Variants in TTC28 observed in about 807,000 individuals in gnomAD.
TTC28 encodes the protein tetratricopeptide repeat domain 28.
A neutral mutation model predicts 198.0 loss-of-function variants in TTC28; 61 were observed. The observed-to-expected ratio is 0.31, with a 90% CI of 0.25 to 0.38. The LOEUF is 0.38. Among genes scored for constraint, TTC28 ranks in the 10% least tolerant of loss-of-function variants. The pLI is 1.00. For synonymous variants in TTC28, 1,171 were observed against 1,297.8 expected (o/e 0.90, Z 2.10); for missense variants, 2,678 against 3,164.0 (o/e 0.85, Z 3.69).
intron 2 of TTC28, among the ~76,000 whole-genome samples, chr22:28,389,915 GTTCTT>G (rs1356164219): frequency 6.6e-6 from 1 of 151,740 alleles, no homozygotes; most frequent in East Asian, 1.9e-4. Context: ...TGCTTCTCTA[GTTCTT>G]TTAATTGTGA....
At chr22:28,450,992 G>C (rs1315212640) in intron 2 of TTC28, among the ~76,000 whole-genome samples, 1 of 152,316 alleles carries the variant, frequency 6.6e-6, no homozygotes, top group Admixed American at 6.5e-5. Context: ...TGAGAAAACA[G>C]AGATCAGTGT....
chr22:28,548,454 T>G (rs1165856133), intron 2 of TTC28, among the ~76,000 whole-genome samples: 2 of 152,194 alleles, frequency 1.3e-5, no homozygotes, highest in Non-Finnish European at 2.9e-5. Flanking sequence ...AGCTACATTT[T>G]TTTTAATCTA....
chr22:28,167,114 T>G (rs935561616), intron 5 of TTC28, among the ~76,000 whole-genome samples: 2 of 152,104 alleles, frequency 1.3e-5, no homozygotes, highest in African/African-American at 4.8e-5. Context: ...CGCCCAAGAC[T>G]AAACCAGGAA....
At chr22:28,610,711 A>G (rs1022887721) in intron 2 of TTC28, among the ~76,000 whole-genome samples, 1 of 152,212 alleles carries the variant, frequency 6.6e-6, no homozygotes, top group Non-Finnish European at 1.5e-5. Flanking sequence ...AAAACTGGAC[A>G]GAGAATGAGT....
Position 28,043,242 on chromosome 22 carries a change from C to CAAAAAAAAAAAAAAAAAA in TTC28, c.3933-12894_3933-12877dup, listed in dbSNP as rs11362041. On this transcript the variant is annotated intron_variant, in intron 12 of 22. Coordinates refer to ENST00000397906, the MANE Select transcript of TTC28 (RefSeq NM_001145418.2). ...TGCATAACAGAGTAAGACTCCATCT[C>CAAAAAAAAAAAAAAAAAA]AAAAAAAAAAAAAAAAAAAAAAAAA... 6.3e-4 allele frequency among the ~76,000 whole-genome samples: 41 copies of CAAAAAAAAAAAAAAAAAA among 65,568 alleles called. 3 individuals are homozygous for CAAAAAAAAAAAAAAAAAA. The highest frequency in any genetic ancestry group is 1.2e-3 in the African/African-American group (19 of 16,412). The allele number at this position is 65,568 out of a possible 152,430, so 43.0% of individuals were successfully genotyped here. A position where few individuals can be genotyped will look rare whatever the true frequency, so the allele number is the denominator to read the frequency against.
intron 2 of TTC28, among the ~76,000 whole-genome samples, chr22:28,615,975 C>T (rs1192707773): frequency 6.6e-6 from 1 of 152,040 alleles, no homozygotes. Flanking sequence ...GACTCAAAAG[C>T]AGACTTGAAT....
intron 6 of TTC28, among the ~76,000 whole-genome samples, chr22:28,113,845 T>G (rs1942557557): frequency 1.3e-5 from 2 of 152,188 alleles, no homozygotes; most frequent in Non-Finnish European, 2.9e-5. Context: ...TAATGGAAAA[T>G]TAAATAACAA....
At chr22:28,584,006 G>GTT (rs2050271383) in intron 2 of TTC28, among the ~76,000 whole-genome samples, 1 of 125,166 alleles carries the variant, frequency 8.0e-6, no homozygotes, top group African/African-American at 3.3e-5. Context: ...TTTTGTTTTT[G>GTT]TTTTGTTTTG....
chr22:28,324,729 G>A (rs1272444352), intron 2 of TTC28, among the ~76,000 whole-genome samples: 6 of 152,242 alleles, frequency 3.9e-5, no homozygotes, highest in Middle Eastern at 3.4e-3. Context: ...AGGTACTGAT[G>A]GAACGTATCT....
intron 2 of TTC28, among the ~76,000 whole-genome samples, chr22:28,535,238 A>C (rs2049241307): frequency 6.6e-6 from 1 of 152,150 alleles, no homozygotes; most frequent in Admixed American, 6.6e-5. Context: ...TTTAATTTAA[A>C]TCTAATTTAT....
chr22:28,363,930 C>T (rs527839406), intron 2 of TTC28, among the ~76,000 whole-genome samples: 78 of 152,190 alleles, frequency 5.1e-4, no homozygotes, highest in Middle Eastern at 3.4e-3. Context: ...TTTACAGGCT[C>T]GTCGGTGGAA....
chr22:28,094,037 G>T, intron 12 of TTC28, 43 bp downstream of exon 12: 1 of 1,484,500 alleles, frequency 6.7e-7, no homozygotes, highest in Non-Finnish European at 9.0e-7. Context: ...ATAATACCCT[G>T]AGATTTATCT....
intron 1 of TTC28, among the ~76,000 whole-genome samples, chr22:28,633,802 A>C (rs553179512): frequency 6.6e-6 from 1 of 152,226 alleles, no homozygotes; most frequent in Non-Finnish European, 1.5e-5. Context: ...AGGATGAACA[A>C]CGTTAAATAA....
intron 22 of TTC28, 60 bp downstream of exon 22, chr22:27,985,189 G>A (rs1022161551): frequency 2.4e-5 from 30 of 1,255,870 alleles, no homozygotes; most frequent in African/African-American, 1.2e-4. Context: ...TGCTGGTGTC[G>A]GCCCCCAGGG....
intron 12 of TTC28, among the ~76,000 whole-genome samples, chr22:28,093,567 C>A (rs1001336854): frequency 1.3e-5 from 2 of 152,226 alleles, no homozygotes; most frequent in East Asian, 3.9e-4. Context: ...AAGCTTATAC[C>A]TTTTACAACC....
intron 2 of TTC28, among the ~76,000 whole-genome samples, chr22:28,355,798 T>C (rs940564491): frequency 6.6e-6 from 1 of 152,176 alleles, no homozygotes; most frequent in Non-Finnish European, 1.5e-5. Flanking sequence ...CACCCAACTA[T>C]AGTGCTGAAG....
intron 16 of TTC28, 49 bp downstream of exon 16, chr22:27,998,491 G>T (rs1284303963): frequency 1.3e-6 from 2 of 1,513,374 alleles, no homozygotes; most frequent in Admixed American, 2.0e-5. Context: ...GGGCTGTGAG[G>T]ACTGAGCCCC....
chr22:28,576,826 T>C (rs1481305338), intron 2 of TTC28, among the ~76,000 whole-genome samples: 3 of 152,094 alleles, frequency 2.0e-5, no homozygotes, highest in Non-Finnish European at 2.9e-5. Flanking sequence ...TCAGATGTAA[T>C]GTCTCCTTTT....
intron 6 of TTC28, among the ~76,000 whole-genome samples, chr22:28,128,669 G>A (rs912604503): frequency 6.6e-6 from 1 of 151,976 alleles, no homozygotes; most frequent in Non-Finnish European, 1.5e-5. Flanking sequence ...CTCCCCAGTG[G>A]CTGGGACCAC....
Sources: allele counts gnomAD v4.1 joint callset (sites outside exome capture counted in the v4.1 genomes callset), GRCh38; gene constraint gnomAD v4.1.1; transcripts MANE v1.5; gene names NCBI Gene and HGNC (gene_info 2026-07-23, HGNC 2026-07-21).